Variants in CHRNA7 observed in about 807,000 individuals in gnomAD.
CHRNA7 encodes neuronal acetylcholine receptor subunit alpha-7.
A neutral mutation model predicts 48.0 loss-of-function variants in CHRNA7; 17 were observed. The observed-to-expected ratio is 0.35, with a 90% CI of 0.24 to 0.53. The LOEUF (loss-of-function observed/expected upper bound fraction) is 0.53, where lower values mean the gene tolerates loss of function less well. Among genes scored for constraint, CHRNA7 ranks in the 20% least tolerant of loss-of-function variants. The probability of loss-of-function intolerance (pLI) is 0.92; values close to 1 mark genes in which losing one functional copy is unlikely to be tolerated. For missense variants in CHRNA7, 155 were observed against 577.7 expected, an observed-to-expected ratio of 0.27 and a Z score of 7.50; for synonymous variants, 75 against 242.3, an observed-to-expected ratio of 0.31 and a Z score of 6.41.
At chr15:32,123,107 T>A (rs1449293297) in intron 4 of CHRNA7, among the ~76,000 whole-genome samples, 1 of 152,174 alleles carries the variant, frequency 6.6e-6, no homozygotes, top group Non-Finnish European at 1.5e-5. Flanking sequence ...GAGGCAAACC[T>A]GGAATATAAT....
chr15:32,151,028 C>T (rs1474148633), intron 4 of CHRNA7, among the ~76,000 whole-genome samples: 1 of 151,838 alleles, frequency 6.6e-6, no homozygotes, highest in African/African-American at 2.4e-5. Flanking sequence ...CCCCTTTTTC[C>T]CCCTTATCCC....
chr15:32,034,485 A>C (rs566736768), intron 2 of CHRNA7, among the ~76,000 whole-genome samples: 1 of 152,092 alleles, frequency 6.6e-6, no homozygotes, highest in South Asian at 2.1e-4. Flanking sequence ...GGAGGCTATG[A>C]TTTTTCTTTG....
intron 2 of CHRNA7, among the ~76,000 whole-genome samples, chr15:32,090,514 A>G (rs2050365965): frequency 6.6e-6 from 1 of 152,320 alleles, no homozygotes; most frequent in African/African-American, 2.4e-5. Context: ...CCACAAGTTC[A>G]TAGCTCCAGT....
chr15:32,086,522 T>C (rs968651629), intron 2 of CHRNA7, among the ~76,000 whole-genome samples: 6 of 152,320 alleles, frequency 3.9e-5, no homozygotes, highest in Non-Finnish European at 5.9e-5. Context: ...TATGATGCTG[T>C]TTGTTACAAT....
intron 4 of CHRNA7, among the ~76,000 whole-genome samples, chr15:32,133,972 G>A (rs1566863124): frequency 6.6e-6 from 1 of 152,150 alleles, no homozygotes; most frequent in Non-Finnish European, 1.5e-5. Flanking sequence ...TGGTGATTGG[G>A]GTTTGAGACA....
intron 4 of CHRNA7, among the ~76,000 whole-genome samples, chr15:32,139,553 A>G (rs1235536954): frequency 6.7e-6 from 1 of 150,216 alleles, no homozygotes; most frequent in Non-Finnish European, 1.5e-5. Flanking sequence ...GATTTTGGTC[A>G]TTCTAATAGA....
At chr15:32,118,841 G>A (rs2050916794) in intron 4 of CHRNA7, among the ~76,000 whole-genome samples, 1 of 152,120 alleles carries the variant, frequency 6.6e-6, no homozygotes, top group Non-Finnish European at 1.5e-5. Flanking sequence ...AGTGAGGGCT[G>A]AGCCAGAGGT....
chr15:32,114,034 ATATATATATG>A (rs1426130745), intron 4 of CHRNA7, among the ~76,000 whole-genome samples: 4 of 94,254 alleles, frequency 4.2e-5, no homozygotes, highest in African/African-American at 1.6e-4. Flanking sequence ...ATATATATAT[ATATATATATG>A]TATATATATA....
intron 2 of CHRNA7, among the ~76,000 whole-genome samples, chr15:32,098,208 C>CAGAA (rs10665985): frequency 0.38 from 58,186 of 151,808 alleles, 11,392 homozygotes; most frequent in South Asian, 0.5. Context: ...GTCCTCTGTG[C>CAGAA]AGAAGCCTGT....
chr15:32,134,727 C>T (rs1230880282), intron 4 of CHRNA7, among the ~76,000 whole-genome samples: 1 of 152,122 alleles, frequency 6.6e-6, no homozygotes, highest in Non-Finnish European at 1.5e-5. Context: ...AAAATAATTA[C>T]ACTCAAGTAA....
At chr15:32,049,877 A>G (rs962046458) in intron 2 of CHRNA7, among the ~76,000 whole-genome samples, 4 of 152,056 alleles carry the variant, frequency 2.6e-5, no homozygotes, top group African/African-American at 4.8e-5. Context: ...GCTTGTCTGT[A>G]AAGTATTTTA....
intron 4 of CHRNA7, among the ~76,000 whole-genome samples, chr15:32,118,333 A>G (rs976224958): frequency 3.3e-5 from 5 of 152,248 alleles, no homozygotes; most frequent in African/African-American, 1.2e-4. Flanking sequence ...ATCCTGTTAT[A>G]AGCAACAGAA....
At chr15:32,112,221 G>T (rs2050773857) in intron 4 of CHRNA7, 1 of 496,120 alleles carries the variant, frequency 2.0e-6, no homozygotes, top group Admixed American at 2.3e-5. Flanking sequence ...CAGTACCTTT[G>T]TTCTCTGAAT....
intron 2 of CHRNA7, among the ~76,000 whole-genome samples, chr15:32,079,108 A>G (rs2050177519): frequency 6.6e-6 from 1 of 152,242 alleles, no homozygotes; most frequent in South Asian, 2.1e-4. Flanking sequence ...ACATCCCTTC[A>G]TGTTAAAAAC....
At chr15:32,059,446 G>C (rs1363693389) in intron 2 of CHRNA7, among the ~76,000 whole-genome samples, 1 of 152,118 alleles carries the variant, frequency 6.6e-6, no homozygotes, top group East Asian at 1.9e-4. Context: ...TCTGATGCTT[G>C]AACTGTCAGA....
intron 3 of CHRNA7, among the ~76,000 whole-genome samples, chr15:32,109,396 C>T (rs2050726069): frequency 6.6e-6 from 1 of 152,204 alleles, no homozygotes; most frequent in Non-Finnish European, 1.5e-5. Flanking sequence ...TGGCCTGTAT[C>T]TTGTGCCAAC....
chr15:32,138,832 C>A (rs537016427), intron 4 of CHRNA7, among the ~76,000 whole-genome samples: 1 of 152,242 alleles, frequency 6.6e-6, no homozygotes, highest in Admixed American at 6.5e-5. Context: ...CGGCTCACTG[C>A]AACCTCCACG....
chr15:32,147,159 G>A (rs551054850), intron 4 of CHRNA7, among the ~76,000 whole-genome samples: 1 of 152,278 alleles, frequency 6.6e-6, no homozygotes, highest in African/African-American at 2.4e-5. Context: ...ATGCCAACTA[G>A]TGGCTAAAGA....
intron 2 of CHRNA7, among the ~76,000 whole-genome samples, chr15:32,062,030 T>C (rs770826324): frequency 1.3e-5 from 2 of 152,230 alleles, no homozygotes; most frequent in African/African-American, 2.4e-5. Flanking sequence ...GTTTAAAAGC[T>C]GAGATAATTC....
Sources: allele counts gnomAD v4.1 joint callset (sites outside exome capture counted in the v4.1 genomes callset), GRCh38; gene constraint gnomAD v4.1.1; transcripts MANE v1.5; gene names NCBI Gene and HGNC (gene_info 2026-07-23, HGNC 2026-07-21).